Variants in NEK11 observed in about 807,000 individuals in gnomAD.
NEK11 encodes the protein serine/threonine-protein kinase Nek11.
A neutral mutation model predicts 80.7 loss-of-function variants in NEK11; 72 were observed. The ratio of observed to expected loss-of-function variants is 0.89; its 90% CI spans 0.74 to 1.08. The LOEUF is 1.08. Among genes scored for constraint, NEK11 ranks in the 50% least tolerant of loss-of-function variants. NEK11 has a pLI of 0.00. For synonymous variants in NEK11, 251 were observed against 260.7 expected (o/e 0.96, Z 0.36); for missense variants, 764 against 763.6 (o/e 1.00, Z -0.01).
At chr3:131,250,591 T>C (rs757012289) in intron 16 of NEK11, among the ~76,000 whole-genome samples, 17 of 152,042 alleles carry the variant, frequency 1.1e-4, no homozygotes, top group Non-Finnish European at 1.9e-4. Flanking sequence ...CTTCAGGTGA[T>C]AGGAAATCCA....
At chr3:131,192,219 G>A (rs2674617) in intron 14 of NEK11, among the ~76,000 whole-genome samples, 123,530 of 152,118 alleles carry the variant, frequency 0.81, 50,251 homozygotes, top group East Asian at 0.85. Context: ...GGAAAATGCA[G>A]TTAAAAATCA....
rs375717337 is a variant in NEK11 at position 131,097,174 on chromosome 3, G to C, written c.337-12629G>C. Among the ~76,000 whole-genome samples, 40 of 152,002 alleles carry C rather than the reference G, an allele frequency of 2.6e-4. 1 individual carries two copies. In the South Asian group the frequency reaches 8.4e-3, roughly 32 times the overall value. On this transcript the variant is annotated intron_variant, in intron 4 of 17. Transcript: ENST00000383366. ...GTTGGTTCCAAGTCTTTGCTATTGT[G>C]AATAGGGCTGCAATAAACATACGTG... is the stretch of plus-strand genomic sequence containing the variant.
At chr3:131,291,741 A>G (rs111670808) in intron 17 of NEK11, among the ~76,000 whole-genome samples, 1,530 of 152,140 alleles carry the variant, frequency 0.01, 22 homozygotes, top group African/African-American at 0.033. Context: ...TGCCATCTAT[A>G]TATTTTCTTT....
intron 16 of NEK11, among the ~76,000 whole-genome samples, chr3:131,258,864 A>G (rs553708207): frequency 6.6e-6 from 1 of 152,150 alleles, no homozygotes; most frequent in South Asian, 2.1e-4. Context: ...CAACTATTTA[A>G]TTTTGGTGTA....
intron 14 of NEK11, chr3:131,184,704 G>A: frequency 8.5e-7 from 1 of 1,178,956 alleles, no homozygotes; most frequent in Non-Finnish European, 1.1e-6. Flanking sequence ...TCTTAAAGGA[G>A]ACTGTAATCT....
At chr3:131,173,121 C>T (rs1270516597) in intron 14 of NEK11, among the ~76,000 whole-genome samples, 1 of 152,154 alleles carries the variant, frequency 6.6e-6, no homozygotes, top group East Asian at 1.9e-4. Flanking sequence ...AATCAAAAAA[C>T]AACTATAAGT....
chr3:131,290,011 C>A (rs2096527042), intron 17 of NEK11, among the ~76,000 whole-genome samples: 1 of 152,188 alleles, frequency 6.6e-6, no homozygotes, highest in African/African-American at 2.4e-5. Flanking sequence ...AAACACAGGG[C>A]CTTTGATTGA....
chr3:131,233,271 A>G (rs1440128446), intron 15 of NEK11, among the ~76,000 whole-genome samples: 1 of 152,124 alleles, frequency 6.6e-6, no homozygotes. Context: ...TAACTTCCCC[A>G]TAGTGCTTAC....
intron 17 of NEK11, among the ~76,000 whole-genome samples, chr3:131,293,345 T>A (rs1044203396): frequency 6.6e-6 from 1 of 152,182 alleles, no homozygotes; most frequent in Non-Finnish European, 1.5e-5. Flanking sequence ...ATTTATATGA[T>A]CATGTGATAT....
At position 131,081,072 on chromosome 3, in the gene NEK11, C is replaced by T. The variant is rs566273995; in HGVS notation, c.336+484C>T. Among the ~76,000 whole-genome samples, 12 of 152,206 alleles carry T rather than the reference C, an allele frequency of 7.9e-5. No individual in the cohort carries two copies. The South Asian group carries it at 1.2e-3, about 16-fold the overall frequency. On this transcript the variant is annotated intron_variant, in intron 4 of 17. Transcript: ENST00000383366. ...CTTCAGTGAACTGGGACCATGCCAT[C>T]GCTCTCCAGCCTGGGCGATAGAGTG...
intron 15 of NEK11, among the ~76,000 whole-genome samples, chr3:131,233,438 G>A (rs905245889): frequency 1.3e-5 from 2 of 152,142 alleles, no homozygotes; most frequent in African/African-American, 4.8e-5. Context: ...GGCTGTCACA[G>A]GTGTATTATT....
Position 131,094,458 on chromosome 3 carries a change from T to G in NEK11, c.336+13870T>G, listed in dbSNP as rs114517270. Among the ~76,000 whole-genome samples the G allele has an allele frequency of 8.1e-3, 1,237 of 152,286 alleles. 21 individuals carry two copies. The highest frequency in any genetic ancestry group is 0.028 in the African/African-American group (1,170 of 41,552). On this transcript the variant is annotated intron_variant, in intron 4 of 17. Transcript: ENST00000383366. ...GTTTTCCAAGGGGGGTGGATCTGAC[T>G]GCCATCAATCAGTAATACCTTTGAA...
intron 7 of NEK11, among the ~76,000 whole-genome samples, chr3:131,141,270 A>G (rs1296010168): frequency 6.6e-6 from 1 of 152,202 alleles, no homozygotes; most frequent in Admixed American, 6.5e-5. Flanking sequence ...ATTCTGATGT[A>G]TAAAGCAGAG....
chr3:131,237,598 A>G (rs1007247654), intron 15 of NEK11, among the ~76,000 whole-genome samples: 1 of 152,152 alleles, frequency 6.6e-6, no homozygotes, highest in Non-Finnish European at 1.5e-5. Flanking sequence ...GAGTGGGGTT[A>G]GGAGTCTCTA....
intron 2 of NEK11, among the ~76,000 whole-genome samples, chr3:131,028,312 C>T (rs559406809): frequency 1.3e-5 from 2 of 152,230 alleles, no homozygotes; most frequent in African/African-American, 4.8e-5. Context: ...TGACGGACAC[C>T]ACCACGTAAA....
intron 3 of NEK11, among the ~76,000 whole-genome samples, chr3:131,065,469 C>CT (rs2071743113): frequency 6.6e-6 from 1 of 152,162 alleles, no homozygotes; most frequent in African/African-American, 2.4e-5. Context: ...GAAATGAGGC[C>CT]TGAACACCAG....
chr3:131,328,670 C>T (rs1443848348), intron 17 of NEK11: 1 of 152,228 alleles, frequency 6.6e-6, no homozygotes, highest in Non-Finnish European at 1.5e-5. Flanking sequence ...AGCTTTTAAA[C>T]TTGATGACCC....
chr3:131,256,112 A>G (rs1390904268), intron 16 of NEK11, among the ~76,000 whole-genome samples: 3 of 152,188 alleles, frequency 2.0e-5, no homozygotes, highest in Admixed American at 6.6e-5. Context: ...TTAAAATTAG[A>G]TAGGAGGAGT....
intron 17 of NEK11, among the ~76,000 whole-genome samples, chr3:131,348,993 A>AT (rs2097410761): frequency 2.6e-5 from 4 of 151,924 alleles, no homozygotes; most frequent in Admixed American, 6.6e-5. Flanking sequence ...CTATTTCTGC[A>AT]TTTTATATCC....
Sources: gnomAD v4.1 joint callset for allele counts (sites outside exome capture counted in the v4.1 genomes callset) on GRCh38, gnomAD v4.1.1 for gene constraint, MANE v1.5 for transcripts, NCBI Gene and HGNC (gene_info 2026-07-23, HGNC 2026-07-21) for gene names.